The following CCDC91 variants were observed in gnomAD, a reference collection of about 807,000 sequenced individuals.
The protein encoded by CCDC91 is coiled-coil domain-containing protein 91.
Under a neutral mutation model 63.2 loss-of-function variants are expected in CCDC91, and 48 were observed. The ratio of observed to expected loss-of-function variants is 0.76; its 90% CI spans 0.60 to 0.97. The LOEUF (loss-of-function observed/expected upper bound fraction) is 0.97, where lower values mean the gene tolerates loss of function less well. Among genes scored for constraint, CCDC91 ranks in the 50% least tolerant of loss-of-function variants. The probability of loss-of-function intolerance (pLI) is 0.00; values close to 1 mark genes in which losing one functional copy is unlikely to be tolerated. For synonymous variants in CCDC91, 167 were observed against 165.8 expected (o/e 1.01, Z -0.06); for missense variants, 500 against 494.6 (o/e 1.01, Z -0.10).
At chr12:28,346,696 C>T (rs924750978) in intron 6 of CCDC91, among the ~76,000 whole-genome samples, 1 of 152,118 alleles carries the variant, frequency 6.6e-6, no homozygotes, top group African/African-American at 2.4e-5. Context: ...TCCATGTGCT[C>T]CCTGGGATTG....
chr12:28,434,578 C>CT (rs1434553608), intron 8 of CCDC91, among the ~76,000 whole-genome samples: 7 of 126,776 alleles, frequency 5.5e-5, no homozygotes, highest in Non-Finnish European at 4.9e-5. Context: ...CTTATTAGGC[C>CT]TTAGGCCTTG....
chr12:28,513,194 A>G (rs1384589081), intron 12 of CCDC91, among the ~76,000 whole-genome samples: 1 of 151,906 alleles, frequency 6.6e-6, no homozygotes, highest in Non-Finnish European at 1.5e-5. Context: ...ACATCATAAT[A>G]ATAGCTAATG....
intron 7 of CCDC91, among the ~76,000 whole-genome samples, chr12:28,363,900 A>T (rs1328138377): frequency 3.4e-5 from 5 of 146,204 alleles, no homozygotes; most frequent in South Asian, 4.3e-4. Flanking sequence ...AAAAAAAAAG[A>T]AAAAAGAAAA....
chr12:28,318,348 C>T (rs1302256176), intron 6 of CCDC91, among the ~76,000 whole-genome samples: 3 of 151,246 alleles, frequency 2.0e-5, no homozygotes, highest in African/African-American at 7.3e-5. Flanking sequence ...CTTAGTGAGA[C>T]CCCATTTCTC....
chr12:28,369,984 GC>G (rs1229636587), intron 7 of CCDC91, among the ~76,000 whole-genome samples: 1 of 152,208 alleles, frequency 6.6e-6, no homozygotes, highest in Non-Finnish European at 1.5e-5. Context: ...GCCTCTACGG[GC>G]TATGGGAGGG....
At chr12:28,280,493 AGTT>A (rs1367111221) in intron 3 of CCDC91, among the ~76,000 whole-genome samples, 2 of 152,082 alleles carry the variant, frequency 1.3e-5, no homozygotes, top group Non-Finnish European at 2.9e-5. Flanking sequence ...ATCTTACTGT[AGTT>A]GTCATTTCTG....
At chr12:28,410,070 G>C (rs773686059) in intron 8 of CCDC91, among the ~76,000 whole-genome samples, 4 of 152,092 alleles carry the variant, frequency 2.6e-5, no homozygotes, top group African/African-American at 7.2e-5. Flanking sequence ...CAAGTCTTGT[G>C]TATTGTTACT....
At chr12:28,194,206 GT>G (rs1941535332) in intron 1 of CCDC91, among the ~76,000 whole-genome samples, 1 of 152,062 alleles carries the variant, frequency 6.6e-6, no homozygotes, top group South Asian at 2.1e-4. Context: ...CCAATTTCGA[GT>G]TAATTTTTGC....
chr12:28,313,160 A>G (rs1939497478), intron 6 of CCDC91, among the ~76,000 whole-genome samples: 1 of 151,974 alleles, frequency 6.6e-6, no homozygotes, highest in African/African-American at 2.4e-5. Flanking sequence ...AGCTTAATGA[A>G]ATGAAAAGAG....
intron 10 of CCDC91, among the ~76,000 whole-genome samples, chr12:28,452,053 ATATAT>A (rs535315166): frequency 2.0e-5 from 3 of 151,676 alleles, no homozygotes; most frequent in African/African-American, 4.8e-5. Context: ...TTTTCATAAA[ATATAT>A]TATTTGTTAA....
chr12:28,393,220 A>G (rs982682555), intron 8 of CCDC91, among the ~76,000 whole-genome samples: 1 of 152,124 alleles, frequency 6.6e-6, no homozygotes, highest in Non-Finnish European at 1.5e-5. Context: ...CTTCCTGTCT[A>G]CAAAATATTG....
At chr12:28,478,275 T>C (rs1484463136) in intron 11 of CCDC91, among the ~76,000 whole-genome samples, 1 of 152,020 alleles carries the variant, frequency 6.6e-6, no homozygotes, top group Non-Finnish European at 1.5e-5. Context: ...TATAGACCAA[T>C]GGAACAGAAC....
intron 3 of CCDC91, among the ~76,000 whole-genome samples, chr12:28,300,611 C>CT (rs1327615100): frequency 6.6e-6 from 1 of 151,490 alleles, no homozygotes; most frequent in Non-Finnish European, 1.5e-5. Context: ...CTCAAGCTCA[C>CT]TTTTTTAATG....
intron 11 of CCDC91, among the ~76,000 whole-genome samples, chr12:28,459,301 A>G (rs1344072940): frequency 6.6e-6 from 1 of 152,180 alleles, no homozygotes; most frequent in East Asian, 1.9e-4. Context: ...ATATTATTAT[A>G]AAAAGACCTG....
At chr12:28,243,605 G>A (rs1945499583) in intron 1 of CCDC91, among the ~76,000 whole-genome samples, 1 of 152,046 alleles carries the variant, frequency 6.6e-6, no homozygotes. Flanking sequence ...GAAGAATACA[G>A]TTCATGGACA....
Position 28,305,645 on chromosome 12 carries a change from T to G in CCDC91, c.110-4T>G. On this transcript the variant is annotated splice_polypyrimidine_tract_variant and splice_region_variant and intron_variant, in intron 3 of 12. Transcript: ENST00000536442. ...TCCTTTTTGTTGTTGTTGTTTTTCTTTAGTATCTGGAGTCCATCTTTCACC... is the reference window on the plus strand; with the variant it reads ...TCCTTTTTGTTGTTGTTGTTTTTCTGTAGTATCTGGAGTCCATCTTTCACC... 1 of 1,608,538 alleles carries G rather than the reference T, an allele frequency of 6.2e-7. No homozygotes were observed. Among genetic ancestry groups the G allele is most frequent in the Non-Finnish European group, 8.5e-7 (1 of 1,177,362 alleles).
At chr12:28,212,708 G>A (rs183763884) in intron 1 of CCDC91, among the ~76,000 whole-genome samples, 3 of 152,282 alleles carry the variant, frequency 2.0e-5, no homozygotes, top group Non-Finnish European at 2.9e-5. Context: ...GAACAAGTCC[G>A]TTTTTTATTA....
At chr12:28,456,399 G>A (rs1470693976) in intron 11 of CCDC91, among the ~76,000 whole-genome samples, 1 of 152,088 alleles carries the variant, frequency 6.6e-6, no homozygotes, top group Non-Finnish European at 1.5e-5. Context: ...TAGGAAAGAA[G>A]CCAAACTCAG....
chr12:28,386,533 T>C (rs1945612566), intron 7 of CCDC91, among the ~76,000 whole-genome samples: 1 of 152,076 alleles, frequency 6.6e-6, no homozygotes, highest in Non-Finnish European at 1.5e-5. Flanking sequence ...GATGCCCCAC[T>C]AATTTTTGTA....
Sources: allele counts gnomAD v4.1 joint callset (sites outside exome capture counted in the v4.1 genomes callset), GRCh38; gene constraint gnomAD v4.1.1; transcripts MANE v1.5; gene names NCBI Gene and HGNC (gene_info 2026-07-23, HGNC 2026-07-21).